The following RIF1 variants were observed in gnomAD, a reference collection of about 807,000 sequenced individuals.
The protein encoded by RIF1 is telomere-associated protein RIF1.
A neutral mutation model predicts 247.1 loss-of-function variants in RIF1; 45 were observed. The observed-to-expected ratio is 0.18, with a 90% CI of 0.14 to 0.23. The LOEUF (loss-of-function observed/expected upper bound fraction) is 0.23. Ranked by LOEUF, RIF1 falls within the 10% of genes least tolerant of loss-of-function variation. The probability of loss-of-function intolerance (pLI) is 1.00; values close to 1 mark genes in which losing one functional copy is unlikely to be tolerated. For missense variants in RIF1, 2,967 were observed against 2,862.5 expected (o/e 1.04, Z -0.83); for synonymous variants, 1,087 against 978.8 (o/e 1.11, Z -2.06).
chr2:151,426,501 G>A (rs552254119), intron 8 of RIF1, among the ~76,000 whole-genome samples: 8 of 151,896 alleles, frequency 5.3e-5, no homozygotes, highest in East Asian at 2.0e-4. Context: ...CTGCAATTCC[G>A]TGTGAATTTG....
chr2:151,499,198 AT>A, intron 10 of RIF1: 1 of 619,274 alleles, frequency 1.6e-6, no homozygotes. Flanking sequence ...GACAGGTCAA[AT>A]TTTTTATTGG....
At position 151,490,254 on chromosome 2, in the gene RIF1, C is replaced by T. The variant is rs1012504822; in HGVS notation, c.*416-4975C>T. On this transcript the variant is annotated intron_variant and NMD_transcript_variant, in intron 9 of 13. Transcript: ENST00000454583. ...GCCCTCCACAATTCTAGTCTTTTCT[C>T]ATTAAAGGAAAGGATGAAAAATTTT... 5.3e-6 allele frequency: 7 copies of T among 1,326,016 alleles called. No homozygotes were observed. The Admixed American group carries it at 1.5e-4, about 28-fold the overall frequency. The allele number at this position is 1,326,016 out of a possible 1,614,324, so 82.1% of individuals were successfully genotyped here.
At chr2:151,524,467 C>CT in the RIF1 span, 2 of 1,613,152 alleles carry the variant, frequency 1.2e-6, no homozygotes. Context: ...CCTGGCATGC[C>CT]TTGGCAATGG....
rs2061033782 is a variant in RIF1 at position 151,497,520 on chromosome 2, A to AAATTT, written c.*514-1822_*514-1818dup. 2.0e-6 allele frequency: 3 copies of AAATTT among 1,499,918 alleles called. No homozygotes were observed. The African/African-American group carries it at 4.3e-5, about 21-fold the overall frequency. 92.9% of individuals were successfully genotyped at this position (1,499,918 alleles called of 1,614,324 possible). On this transcript the variant is annotated intron_variant and NMD_transcript_variant, in intron 10 of 13. Transcript: ENST00000454583. Reference sequence around the variant, plus strand: ...GATAAATTTGCTAAAGAAATTCACAAAATTTAAGTTGTCTTTAAAAAGTAG... The same window carrying AAATTT: ...GATAAATTTGCTAAAGAAATTCACAAAATTTAATTTAAGTTGTCTTTAAAAAGTAG...
chr2:151,443,454 T>A lies in RIF1; in HGVS notation c.1806-75T>A, dbSNP rs995327750. ...AATTCGTTAACTTTTTGTCAGTTAT[T>A]TTAGAATTTTGTTAACATTAAATTA... On this transcript the variant is annotated intron_variant, in intron 17 of 35. Coordinates refer to ENST00000444746, the MANE Select transcript of RIF1 (RefSeq NM_018151.5). The A allele has an allele frequency of 4.9e-6, 7 of 1,419,130 alleles. No homozygotes were observed. The Admixed American group carries it at 9.6e-5, about 19-fold the overall frequency. 87.9% of individuals were successfully genotyped at this position (1,419,130 alleles called of 1,614,324 possible). A position where few individuals can be genotyped will look rare whatever the true frequency, so the allele number is the denominator to read the frequency against.
intron 16 of RIF1, among the ~76,000 whole-genome samples, 172 bp downstream of exon 16, chr2:151,442,163 C>T (rs979557655): frequency 2.6e-5 from 4 of 151,116 alleles, no homozygotes; most frequent in African/African-American, 9.7e-5. Flanking sequence ...GCAACCTCCG[C>T]CTCCCAGGTT....
the RIF1 span, among the ~76,000 whole-genome samples, chr2:151,521,975 A>G: frequency 1.3e-5 from 2 of 152,196 alleles, no homozygotes; most frequent in Admixed American, 1.3e-4. Context: ...GTAATGTAGT[A>G]AAACTACATA....
intron 9 of RIF1, among the ~76,000 whole-genome samples, chr2:151,490,921 T>C (rs773179992): frequency 3.9e-5 from 6 of 152,206 alleles, no homozygotes; most frequent in Non-Finnish European, 8.8e-5. Context: ...GTTCCCAAAA[T>C]ACCATGGGCA....
At chr2:151,484,478 C>T (rs2049380160), downstream of RIF1, among the ~76,000 whole-genome samples, 1 of 152,190 alleles carries the variant, frequency 6.6e-6, no homozygotes, top group African/African-American at 2.4e-5. Context: ...CGCCTGTAGT[C>T]CCAGCTACTC....
intron 22 of RIF1, 146 bp downstream of exon 22, chr2:151,455,305 G>A: frequency 1.7e-6 from 1 of 585,384 alleles, no homozygotes; most frequent in East Asian, 3.0e-5. Flanking sequence ...TTGTTGAAAA[G>A]ATAGTTAAAA....
At position 151,474,901 on chromosome 2, in the gene RIF1, C is replaced by A. The variant is rs1367501829; in HGVS notation, c.7249C>A (p.Leu2417Ile). The stretch of plus-strand genomic sequence containing the variant: ...TTTAGAAATTCCATTATCCAAAAAC[C>A]TTCTGGCACAGATTAGTGCTCTTGC... ...VALEIPLSKN[L>I]LAQISALALQ... Residue 2417 changes from leucine to isoleucine, a missense_variant, in exon 36 of 36, where the codon CTT (leucine) becomes ATT (isoleucine). By Grantham distance (5) the Leu-to-Ile change is conservative. Around this residue, in one of 7 missense-constraint regions of RIF1, gnomAD observed 151 missense variants for 163.4 expected, o/e 0.92. Coordinates refer to ENST00000444746, the MANE Select transcript of RIF1 (RefSeq NM_018151.5). 6.2e-7 allele frequency: 1 copy of A among 1,603,354 alleles called. No homozygotes were observed. Among genetic ancestry groups the A allele is most frequent in the Non-Finnish European group, 8.5e-7 (1 of 1,170,474 alleles).
chr2:151,449,790 T>C (rs536424673), intron 20 of RIF1, among the ~76,000 whole-genome samples: 7 of 152,188 alleles, frequency 4.6e-5, no homozygotes, highest in African/African-American at 1.7e-4. Context: ...TTCAAACATA[T>C]GCATGTAAGA....
In RIF1 at chr2:151,462,978, A is replaced by G. The variant is rs753843540; in HGVS notation, c.3458A>G (p.Asn1153Ser). 3 of 1,614,058 alleles carry G rather than the reference A, an allele frequency of 1.9e-6. No individual in the cohort carries two copies. Among genetic ancestry groups the G allele is most frequent in the Admixed American group, 3.3e-5 (2 of 60,020 alleles). ...EHLEKSSLSN[N>S]ECGSLDKTSP... ...CTTGAAAAGTCCTCCCTTTCGAATA[A>G]TGAGTGTGGTTCTCTTGACAAAACC... is the stretch of plus-strand genomic sequence containing the variant. The change falls in exon 30 of 36, where the codon AAT becomes AGT. Residue 1153 changes from asparagine to serine, a missense_variant. Asn to Ser is a conservative substitution (Grantham distance 46, BLOSUM62 1). Coordinates refer to ENST00000444746, the MANE Select transcript of RIF1 (RefSeq NM_018151.5).
chr2:151,533,427 C>G, the RIF1 span: 1 of 1,516,706 alleles, frequency 6.6e-7, no homozygotes, highest in Non-Finnish European at 9.0e-7. Flanking sequence ...TTCTTCACAT[C>G]CCATCAGACA....
At chr2:151,499,440 C>A (rs1213514685) in exon 11 of RIF1, 2 of 983,530 alleles carry the variant, frequency 2.0e-6, no homozygotes, top group East Asian at 5.3e-5. Context: ...GTCAAAACAG[C>A]CCTTTCATCT....
chr2:151,445,556 C>G (rs1693112332), intron 19 of RIF1, 111 bp downstream of exon 19: 1 of 588,368 alleles, frequency 1.7e-6, no homozygotes, highest in Non-Finnish European at 2.9e-6. Context: ...TTCTTTTTCT[C>G]TTTTTTTTTT....
At chr2:151,460,248 C>A in intron 26 of RIF1, 129 bp downstream of exon 26, 1 of 707,108 alleles carries the variant, frequency 1.4e-6, no homozygotes, top group Non-Finnish European at 2.2e-6. Flanking sequence ...GAATTGAGGG[C>A]ATTTGATGTA....
At chr2:151,532,002 C>T in the RIF1 span, 5 of 659,736 alleles carry the variant, frequency 7.6e-6, no homozygotes, top group Admixed American at 2.9e-5. Flanking sequence ...ATCTAGCTTT[C>T]TCTTTAATTC....
the RIF1 span, among the ~76,000 whole-genome samples, chr2:151,532,914 C>CTG: frequency 1.3e-5 from 2 of 152,040 alleles, no homozygotes; most frequent in African/African-American, 4.8e-5. Flanking sequence ...CACTGTTAAC[C>CTG]TGTGTGTGTG....
Sources: allele counts gnomAD v4.1 joint callset (sites outside exome capture counted in the v4.1 genomes callset), GRCh38; gene constraint gnomAD v4.1.1; regional missense constraint gnomAD v4.1.1; transcripts MANE v1.5; gene names NCBI Gene and HGNC (gene_info 2026-07-23, HGNC 2026-07-21).